MPP7: variants seen among roughly 807,000 people sequenced by gnomAD.
The protein encoded by MPP7 is MAGUK p55 subfamily member 7.
In MPP7, 60 loss-of-function variants were observed where a neutral mutation model predicts 76.5. The ratio of observed to expected loss-of-function variants is 0.78; its 90% CI spans 0.64 to 0.97. The LOEUF is 0.97. MPP7 is among the 50% of genes least tolerant of loss of function. The probability of loss-of-function intolerance (pLI) is 0.00; values close to 1 mark genes in which losing one functional copy is unlikely to be tolerated. For synonymous variants in MPP7, 237 were observed against 244.5 expected (o/e 0.97, Z 0.29); for missense variants, 641 against 694.0 (o/e 0.92, Z 0.86).
intron 3 of MPP7, among the ~76,000 whole-genome samples, chr10:28,165,578 G>A (rs1486624619): frequency 2.0e-5 from 3 of 151,522 alleles, no homozygotes; most frequent in African/African-American, 7.3e-5. Flanking sequence ...TCTGCTGTAT[G>A]GACCAGATGA....
intron 2 of MPP7, among the ~76,000 whole-genome samples, chr10:28,316,435 TAAAAAAAAAAAAAAAAAA>T (rs549621404): frequency 9.4e-4 from 35 of 37,152 alleles, no homozygotes; most frequent in South Asian, 3.0e-3. Context: ...ACTCTGTCTT[TAAAAAAAAAAAAAAAAAA>T]AAAAAAAAAA....
intron 5 of MPP7, among the ~76,000 whole-genome samples, chr10:28,132,557 G>A (rs925853541): frequency 6.6e-6 from 1 of 152,108 alleles, no homozygotes; most frequent in African/African-American, 2.4e-5. Context: ...AGCCTCCTGA[G>A]TAGCCAGGAT....
intron 3 of MPP7, among the ~76,000 whole-genome samples, chr10:28,194,798 T>C (rs1232242675): frequency 6.6e-6 from 1 of 152,162 alleles, no homozygotes; most frequent in Non-Finnish European, 1.5e-5. Context: ...ATGCAAGACA[T>C]AATGCATTTG....
chr10:28,211,720 T>C (rs567300966), intron 2 of MPP7, among the ~76,000 whole-genome samples: 1 of 152,178 alleles, frequency 6.6e-6, no homozygotes, highest in African/African-American at 2.4e-5. Context: ...TAAGAGTATA[T>C]AAACCACCAG....
chr10:28,178,975 T>C (rs1432539383), intron 3 of MPP7, among the ~76,000 whole-genome samples: 2 of 152,070 alleles, frequency 1.3e-5, no homozygotes, highest in African/African-American at 4.8e-5. Flanking sequence ...GAAAGGCCAA[T>C]ATTCACCTAA....
intron 1 of MPP7, among the ~76,000 whole-genome samples, chr10:28,261,344 C>T (rs1221152697): frequency 6.6e-6 from 1 of 152,164 alleles, no homozygotes; most frequent in African/African-American, 2.4e-5. Context: ...CCCACCAACA[C>T]GGTGGCTTTG....
At chr10:28,261,409 G>A (rs1197281628) in intron 1 of MPP7, among the ~76,000 whole-genome samples, 2 of 152,152 alleles carry the variant, frequency 1.3e-5, no homozygotes, top group Admixed American at 6.5e-5. Flanking sequence ...CAGATCCAGC[G>A]CAGTCACCAT....
At chr10:28,199,004 C>G (rs1455590242) in intron 3 of MPP7, among the ~76,000 whole-genome samples, 1 of 152,138 alleles carries the variant, frequency 6.6e-6, no homozygotes. Flanking sequence ...TTAATGGACT[C>G]ACAGTTCCAT....
chr10:28,148,361 C>T (rs1835774401), intron 4 of MPP7, among the ~76,000 whole-genome samples: 1 of 152,018 alleles, frequency 6.6e-6, no homozygotes, highest in Admixed American at 6.5e-5. Flanking sequence ...TTTAAAAAAG[C>T]AAGACTCAAA....
In MPP7 at chr10:28,109,533, C is replaced by T. The variant is rs534310068; in HGVS notation, c.952+10118G>A. 4.6e-5 allele frequency among the ~76,000 whole-genome samples: 7 copies of T among 151,780 alleles called. No homozygotes were observed. The East Asian group carries it at 5.8e-4, about 13-fold the overall frequency. ...AAGATAGGGCATCTGGCAACGTTTC[C>T]GGAATATAATAACCAAAGCACACTA... On this transcript the variant is annotated intron_variant, in intron 11 of 16. Transcript: ENST00000683449.
intron 1 of MPP7, among the ~76,000 whole-genome samples, chr10:28,278,520 C>T (rs1045362065): frequency 1.3e-5 from 2 of 151,272 alleles, no homozygotes; most frequent in Non-Finnish European, 2.9e-5. Flanking sequence ...GAAGACACCA[C>T]AAAAAACTAA....
intron 1 of MPP7, among the ~76,000 whole-genome samples, chr10:28,333,252 C>T (rs1834486827): frequency 6.6e-6 from 1 of 152,180 alleles, no homozygotes; most frequent in Admixed American, 6.5e-5. Context: ...TCAAGTGATT[C>T]TCCCTGCCTC....
intron 8 of MPP7, 119 bp downstream of exon 8, chr10:28,123,912 T>A: frequency 3.0e-6 from 2 of 670,570 alleles, no homozygotes; most frequent in Admixed American, 4.9e-5. Flanking sequence ...AGGGATTAAG[T>A]GTTCGAACCC....
chr10:28,274,024 C>T (rs1422851585), intron 1 of MPP7, among the ~76,000 whole-genome samples: 1 of 151,830 alleles, frequency 6.6e-6, no homozygotes, highest in African/African-American at 2.4e-5. Context: ...CTTTGAGAGG[C>T]CAAGGCAAGC....
At chr10:28,308,043 C>A (rs1298774164), upstream of MPP7, among the ~76,000 whole-genome samples, 2 of 152,206 alleles carry the variant, frequency 1.3e-5, no homozygotes, top group Admixed American at 6.5e-5. Context: ...TCTAACACTT[C>A]CCCTCGCTTT....
chr10:28,160,095 G>A (rs1476396433), intron 3 of MPP7, among the ~76,000 whole-genome samples: 1 of 133,188 alleles, frequency 7.5e-6, no homozygotes, highest in Non-Finnish European at 1.6e-5. Flanking sequence ...TTTAATGACA[G>A]GCAAACTTTG....
intron 5 of MPP7, among the ~76,000 whole-genome samples, chr10:28,135,053 G>A (rs1004573961): frequency 2.8e-4 from 42 of 152,178 alleles, no homozygotes; most frequent in Admixed American, 8.5e-4. Context: ...TTTCAAAGAT[G>A]CTGGGTATCA....
chr10:28,174,323 G>A (rs908155292), intron 3 of MPP7, among the ~76,000 whole-genome samples: 1 of 152,184 alleles, frequency 6.6e-6, no homozygotes, highest in African/African-American at 2.4e-5. Flanking sequence ...GGGTCATGCG[G>A]ACAGATCCCT....
chr10:28,128,034 G>C lies in MPP7; in HGVS notation c.448-2943C>G, dbSNP rs1298538463. 2.0e-5 allele frequency among the ~76,000 whole-genome samples: 3 copies of C among 152,168 alleles called. No individual in the cohort carries two copies. In the South Asian group the frequency reaches 6.2e-4, roughly 31 times the overall value. On this transcript the variant is annotated intron_variant, in intron 6 of 16. Coordinates refer to ENST00000683449, the MANE Select transcript of MPP7 (RefSeq NM_001318170.2). ...GAGCCCAGTAGCAGAGGAGCGGCAA[G>C]AGGAGATGAGGTAAAGGCAGAAGGG...
Sources: allele counts gnomAD v4.1 joint callset (sites outside exome capture counted in the v4.1 genomes callset), GRCh38; gene constraint gnomAD v4.1.1; transcripts MANE v1.5; gene names NCBI Gene and HGNC (gene_info 2026-07-23, HGNC 2026-07-21).